Variants in ATP6V1E1 observed in about 807,000 individuals in gnomAD.
ATP6V1E1 encodes the protein ATPase H+ transporting V1 subunit E1.
In ATP6V1E1, 21 loss-of-function variants were observed where a neutral mutation model predicts 35.2. That is an observed-to-expected ratio of 0.60 (90% confidence interval 0.42 to 0.86). ATP6V1E1 has a LOEUF of 0.86. ATP6V1E1 is among the 40% of genes least tolerant of loss of function. ATP6V1E1 has a pLI of 0.00. For missense variants in ATP6V1E1, 183 were observed against 272.6 expected (o/e 0.67, Z 2.32); for synonymous variants, 83 against 87.8 (o/e 0.95, Z 0.30).
At chr22:17,605,106 G>A (rs2057779180) in intron 4 of ATP6V1E1, among the ~76,000 whole-genome samples, 1 of 149,616 alleles carries the variant, frequency 6.7e-6, no homozygotes, top group Non-Finnish European at 1.5e-5. Flanking sequence ...TGGGGAGGCT[G>A]AGGCAGGAGA....
intron 2 of ATP6V1E1, among the ~76,000 whole-genome samples, chr22:17,614,634 T>A (rs2057833134): frequency 6.7e-6 from 1 of 149,274 alleles, no homozygotes; most frequent in Non-Finnish European, 1.5e-5. Flanking sequence ...ATCACGCCAT[T>A]GCACTCCAGC....
chr22:17,598,184 T>C lies in ATP6V1E1; in HGVS notation c.530+10A>G. 6.2e-7 allele frequency: 1 copy of C among 1,601,974 alleles called. No homozygotes were observed. The highest frequency in any genetic ancestry group is 8.5e-7 in the Non-Finnish European group (1 of 1,169,772). ...AGAAGGTAGCTGTTAGCAGCAGGAA[T>C]ACTCCTTACATGTCTTCAGGCAGGT... On this transcript the variant is annotated intron_variant, in intron 7 of 8. Transcript: ENST00000253413.
chr22:17,596,451 G>A (rs746632921), intron 7 of ATP6V1E1, among the ~76,000 whole-genome samples: 7 of 151,016 alleles, frequency 4.6e-5, no homozygotes, highest in South Asian at 2.1e-4. Context: ...CTCCTCTCTC[G>A]CCATGTGGTC....
At chr22:17,628,469 A>G in intron 1 of ATP6V1E1, 134 bp downstream of exon 1, 1 of 1,257,020 alleles carries the variant, frequency 8.0e-7, no homozygotes, top group Non-Finnish European at 1.2e-6. Flanking sequence ...GACCTCTTGG[A>G]TCTGGTGACT....
At chr22:17,619,997 T>TA (rs2057867473) in intron 1 of ATP6V1E1, among the ~76,000 whole-genome samples, 1 of 152,180 alleles carries the variant, frequency 6.6e-6, no homozygotes, top group Admixed American at 6.6e-5. Flanking sequence ...TCAACTTTAC[T>TA]ACCTTTCTCT....
At chr22:17,609,374 G>T (rs978207102) in intron 4 of ATP6V1E1, among the ~76,000 whole-genome samples, 5 of 150,932 alleles carry the variant, frequency 3.3e-5, no homozygotes, top group African/African-American at 9.7e-5. Flanking sequence ...TGGCCGGGCT[G>T]GTCTCAAACT....
chr22:17,620,931 G>A (rs542263169), intron 1 of ATP6V1E1, among the ~76,000 whole-genome samples: 6 of 152,072 alleles, frequency 3.9e-5, no homozygotes, highest in Admixed American at 1.3e-4. Context: ...GCGTGGTGGC[G>A]GGCGCCTGTA....
intron 2 of ATP6V1E1, among the ~76,000 whole-genome samples, chr22:17,615,463 T>C (rs1406765348): frequency 2.6e-5 from 4 of 151,512 alleles, no homozygotes; most frequent in Non-Finnish European, 4.4e-5. Context: ...CTGGCCAACA[T>C]GGTGAAAGCC....
intron 1 of ATP6V1E1, among the ~76,000 whole-genome samples, chr22:17,628,393 G>A (rs1182098802): frequency 6.6e-6 from 1 of 152,268 alleles, no homozygotes; most frequent in Non-Finnish European, 1.5e-5. Flanking sequence ...GCGCAGGCAA[G>A]CGGGCAGTGC....
intron 1 of ATP6V1E1, among the ~76,000 whole-genome samples, chr22:17,623,759 A>G (rs527360719): frequency 6.6e-6 from 1 of 152,210 alleles, no homozygotes; most frequent in South Asian, 2.1e-4. Flanking sequence ...TCGGACCTGG[A>G]TTATCTGCCT....
chr22:17,599,396 G>A (rs1273796634), intron 6 of ATP6V1E1, among the ~76,000 whole-genome samples: 1 of 151,592 alleles, frequency 6.6e-6, no homozygotes, highest in Non-Finnish European at 1.5e-5. Flanking sequence ...CCAACACGGT[G>A]AAACCCTGTC....
chr22:17,593,341 C>A (rs1294916747), intron 8 of ATP6V1E1, among the ~76,000 whole-genome samples: 1 of 152,084 alleles, frequency 6.6e-6, no homozygotes, highest in East Asian at 1.9e-4. Context: ...AATCATCTCA[C>A]CACAATATGC....
chr22:17,608,334 C>T (rs951002521), intron 4 of ATP6V1E1, among the ~76,000 whole-genome samples: 3 of 152,252 alleles, frequency 2.0e-5, no homozygotes, highest in South Asian at 2.1e-4. Flanking sequence ...TGACTAAATC[C>T]GGGAAAGACA....
rs1370922345 is a variant in ATP6V1E1 at position 17,612,848 on chromosome 22, T to C, written c.240A>G (p.Arg80=). The change falls in exon 4 of 9, where the codon AGA becomes AGG. Residue 80 remains arginine, a synonymous_variant. Transcript: ENST00000253413. ...IQMSNLMNQA[R]LKVLRARDDL... ...CATCTCTTGCTCTGAGGACTTTGAG[T>C]CTCGCTTGATTCATCAAATTGGACA... The C allele has an allele frequency of 6.2e-7, 1 of 1,610,272 alleles. No homozygotes were observed. The highest frequency in any genetic ancestry group is 1.1e-5 in the South Asian group (1 of 90,076).
chr22:17,624,491 C>G (rs1443723133), intron 1 of ATP6V1E1, among the ~76,000 whole-genome samples: 1 of 151,528 alleles, frequency 6.6e-6, no homozygotes, highest in African/African-American at 2.4e-5. Context: ...GAGGCAGAGG[C>G]TGCAGTGAGC....
At chr22:17,596,024 C>G (rs760414219) in intron 7 of ATP6V1E1, among the ~76,000 whole-genome samples, 3 of 151,412 alleles carry the variant, frequency 2.0e-5, no homozygotes, top group Non-Finnish European at 4.4e-5. Flanking sequence ...CCCAGCTAAT[C>G]GGGAGGCTAA....
intron 6 of ATP6V1E1, among the ~76,000 whole-genome samples, chr22:17,599,275 C>T (rs1003754656): frequency 1.2e-4 from 18 of 148,468 alleles, no homozygotes; most frequent in Admixed American, 3.3e-4. Flanking sequence ...ATTTTACCAC[C>T]ATTAAAAAAA....
Position 17,613,289 on chromosome 22 carries a change from C to T in ATP6V1E1, c.131G>A (p.Arg44Gln), listed in dbSNP as rs766001041. ...CTTTAGTCTTTGGGTTTGCACAAGC[C>T]GACCTTTCTCTATGTTGAACTCTTC... Reference protein sequence around the residue: ...AEEEFNIEKGRLVQTQRLKIM... With the variant: ...AEEEFNIEKGQLVQTQRLKIM... The change falls in exon 3 of 9, where the codon CGG becomes CAG. Residue 44 changes from arginine (R) to glutamine (Q), a missense_variant. Transcript: ENST00000253413. The T allele has an allele frequency of 1.9e-6, 3 of 1,613,576 alleles. No individual in the cohort carries two copies. The highest frequency in any genetic ancestry group is 2.2e-5 in the East Asian group (1 of 44,876).
intron 7 of ATP6V1E1, 149 bp downstream of exon 7, chr22:17,598,045 G>T: frequency 3.1e-6 from 2 of 651,006 alleles, no homozygotes; most frequent in South Asian, 3.8e-5. Flanking sequence ...GAGAACAACA[G>T]GAACGGCTGC....
Sources: allele counts gnomAD v4.1 joint callset (sites outside exome capture counted in the v4.1 genomes callset), GRCh38; gene constraint gnomAD v4.1.1; transcripts MANE v1.5; gene names NCBI Gene and HGNC (gene_info 2026-07-23, HGNC 2026-07-21).